DNAL1: variants seen among roughly 807,000 people sequenced by gnomAD.
DNAL1 encodes chromosome 14 open reading frame 168.
DNAL1 carries 17 observed loss-of-function variants against 29.4 expected under a neutral mutation model. That is an observed-to-expected ratio of 0.58 (90% CI 0.40 to 0.87). The LOEUF (loss-of-function observed/expected upper bound fraction) is 0.87, where lower values mean the gene tolerates loss of function less well. DNAL1 is among the 40% of genes least tolerant of loss of function. DNAL1 has a pLI of 0.00. For synonymous variants in DNAL1, 78 were observed against 76.3 expected (o/e 1.02, Z -0.12); for missense variants, 188 against 214.1 (o/e 0.88, Z 0.76).
At chr14:73,645,601 G>T (rs1336329007) in intron 1 of DNAL1, among the ~76,000 whole-genome samples, 1 of 152,202 alleles carries the variant, frequency 6.6e-6, no homozygotes, top group East Asian at 1.9e-4. Flanking sequence ...GTATGGGCTT[G>T]TTGGAATGCA....
intron 5 of DNAL1, among the ~76,000 whole-genome samples, chr14:73,684,593 C>T (rs890447844): frequency 1.3e-5 from 2 of 152,110 alleles, no homozygotes; most frequent in African/African-American, 4.8e-5. Flanking sequence ...ATCCTCATTA[C>T]ATATAGTCTA....
At chr14:73,646,087 T>G (rs1890970538) in intron 1 of DNAL1, among the ~76,000 whole-genome samples, 1 of 152,188 alleles carries the variant, frequency 6.6e-6, no homozygotes, top group South Asian at 2.1e-4. Flanking sequence ...CCCCCTGCTT[T>G]CCTTACTTTG....
At chr14:73,652,867 AT>A (rs747746087) in intron 1 of DNAL1, among the ~76,000 whole-genome samples, 2 of 151,624 alleles carry the variant, frequency 1.3e-5, no homozygotes, top group Non-Finnish European at 2.9e-5. Flanking sequence ...TTTTTCTTTC[AT>A]TATTTTATAA....
chr14:73,684,268 A>G (rs1188087339), intron 5 of DNAL1, among the ~76,000 whole-genome samples: 1 of 152,186 alleles, frequency 6.6e-6, no homozygotes, highest in African/African-American at 2.4e-5. Flanking sequence ...GAGTGCTGAT[A>G]GCTATCTCTT....
intron 1 of DNAL1, among the ~76,000 whole-genome samples, chr14:73,652,433 C>T (rs555049541): frequency 1.2e-3 from 184 of 152,104 alleles, no homozygotes; most frequent in Non-Finnish European, 2.3e-3. Context: ...AGTGCCACCA[C>T]GGTCTAATTT....
chr14:73,645,202 C>A (rs973703991), intron 1 of DNAL1, among the ~76,000 whole-genome samples, 160 bp downstream of exon 1: 3 of 152,054 alleles, frequency 2.0e-5, no homozygotes, highest in Non-Finnish European at 4.4e-5. Context: ...GAAAGAGAAG[C>A]CCTGGCCGGG....
At chr14:73,669,058 T>G (rs1318737549) in intron 4 of DNAL1, among the ~76,000 whole-genome samples, 1 of 152,234 alleles carries the variant, frequency 6.6e-6, no homozygotes, top group Non-Finnish European at 1.5e-5. Context: ...TCATGTTGGA[T>G]TAGGGCCCAT....
intron 7 of DNAL1, among the ~76,000 whole-genome samples, chr14:73,694,394 C>G (rs1892249509): frequency 6.6e-6 from 1 of 152,112 alleles, no homozygotes; most frequent in African/African-American, 2.4e-5. Context: ...AGACGATGAA[C>G]TGATCAGGTT....
At chr14:73,689,600 T>C (rs1892117251) in intron 7 of DNAL1, 85 bp downstream of exon 7, 4 of 1,534,622 alleles carry the variant, frequency 2.6e-6, no homozygotes. Context: ...GGAGAAAAAC[T>C]AAAGAAAAAA....
chr14:73,681,494 A>C (rs1269990841), intron 5 of DNAL1, among the ~76,000 whole-genome samples: 1 of 150,226 alleles, frequency 6.7e-6, no homozygotes, highest in African/African-American at 2.5e-5. Context: ...TTAGCTGGGC[A>C]CAGTGGCTCA....
At chr14:73,668,061 G>T (rs1242566111) in intron 4 of DNAL1, among the ~76,000 whole-genome samples, 1 of 152,124 alleles carries the variant, frequency 6.6e-6, no homozygotes, top group Non-Finnish European at 1.5e-5. Flanking sequence ...GCGTGTAAAT[G>T]TTCTTCCTCC....
At chr14:73,677,884 T>TGTGTGTGTGTGTGTGTGTGTGTGTG (rs1555402397) in intron 5 of DNAL1, among the ~76,000 whole-genome samples, 1 of 96,130 alleles carries the variant, frequency 1.0e-5, no homozygotes. Flanking sequence ...ATATATATAT[T>TGTGTGTGTGTGTGTGTGTGTGTGTG]TGTGTGTGTG....
intron 4 of DNAL1, among the ~76,000 whole-genome samples, chr14:73,664,348 A>G (rs756030715): frequency 2.6e-5 from 4 of 152,146 alleles, no homozygotes; most frequent in Non-Finnish European, 5.9e-5. Flanking sequence ...TTTTCTTTCT[A>G]AAAATATCAT....
intron 1 of DNAL1, among the ~76,000 whole-genome samples, chr14:73,654,118 G>C (rs560144388): frequency 6.6e-6 from 1 of 152,092 alleles, no homozygotes; most frequent in South Asian, 2.1e-4. Flanking sequence ...TTTCACCACT[G>C]CCACCTACCC....
intron 1 of DNAL1, among the ~76,000 whole-genome samples, chr14:73,646,026 G>A (rs1890968605): frequency 6.6e-6 from 1 of 152,220 alleles, no homozygotes; most frequent in Non-Finnish European, 1.5e-5. Flanking sequence ...TGATGAGGAA[G>A]TCATGCCTGC....
intron 1 of DNAL1, among the ~76,000 whole-genome samples, chr14:73,646,280 C>T (rs967544654): frequency 6.6e-6 from 1 of 152,166 alleles, no homozygotes; most frequent in African/African-American, 2.4e-5. Flanking sequence ...TTAATGATGA[C>T]AGGGATACAT....
intron 7 of DNAL1, among the ~76,000 whole-genome samples, chr14:73,693,373 G>A (rs1892222601): frequency 6.6e-6 from 1 of 152,166 alleles, no homozygotes; most frequent in South Asian, 2.1e-4. Context: ...CACGTATGAG[G>A]ATGTTCATAG....
chr14:73,663,537 C>A (rs1168439932), intron 4 of DNAL1, among the ~76,000 whole-genome samples: 7 of 151,334 alleles, frequency 4.6e-5, no homozygotes, highest in Non-Finnish European at 1.0e-4. Context: ...ATTTTTATTT[C>A]TTTTTTTTTA....
chr14:73,672,394 A>C (rs1891633783), intron 5 of DNAL1, among the ~76,000 whole-genome samples: 1 of 152,042 alleles, frequency 6.6e-6, no homozygotes, highest in African/African-American at 2.4e-5. Context: ...TCACGAGGTC[A>C]GGAGATGGAG....
Sources: allele counts gnomAD v4.1 joint callset (sites outside exome capture counted in the v4.1 genomes callset), GRCh38; gene constraint gnomAD v4.1.1; transcripts MANE v1.5; gene names NCBI Gene and HGNC (gene_info 2026-07-23, HGNC 2026-07-21).